Variants in SEMA4G observed in about 807,000 individuals in gnomAD.
The protein encoded by SEMA4G is semaphorin 4G.
In SEMA4G, 59 loss-of-function variants were observed where a neutral mutation model predicts 81.2. That is an observed-to-expected ratio of 0.73 (90% CI 0.59 to 0.90). SEMA4G has a LOEUF of 0.90. Ranked by LOEUF, SEMA4G falls within the 40% of genes least tolerant of loss-of-function variation. SEMA4G has a pLI of 0.00. For missense variants in SEMA4G, 952 were observed against 1,102.3 expected (o/e 0.86, Z 1.93); for synonymous variants, 404 against 433.9 (o/e 0.93, Z 0.86).
intron 10 of SEMA4G, 36 bp downstream of exon 11, chr10:100,980,380 C>T: frequency 1.9e-6 from 3 of 1,580,098 alleles, no homozygotes; most frequent in Non-Finnish European, 2.6e-6. Flanking sequence ...CCTGTTGGCC[C>T]TGATCACTAA....
chr10:100,983,405 C>A, exon 14 of SEMA4G: 12 of 1,612,406 alleles, frequency 7.4e-6, no homozygotes, highest in Non-Finnish European at 8.5e-6. Flanking sequence ...TGTGGCTACT[C>A]AATGGGAGCA....
rs556345883 is a variant in SEMA4G, at chr10:100,984,593, G to A, written c.*462G>A. On this transcript the variant is annotated 3_prime_UTR_variant, in exon 14 of 14. Coordinates refer to ENST00000370250, the Ensembl canonical transcript of SEMA4G. The stretch of plus-strand genomic sequence containing the variant: ...GACAAGACCTCTGCCAGCCACCTAA[G>A]CCCTGCGTACATTCACATGCACACA... 4.6e-6 allele frequency: 7 copies of A among 1,536,202 alleles called. No homozygotes were observed. The African/African-American group carries it at 9.6e-5, about 21-fold the overall frequency.
rs761353685 is a variant in SEMA4G at position 100,973,264 on chromosome 10, G to C, written c.260G>C (p.Gly87Ala). Reference sequence around the variant, plus strand: ...CTCAGTGCCAACGACATAGGAGATGGGGCTCACAAAGAGGTCAGGCCCTGG... The same window carrying C: ...CTCAGTGCCAACGACATAGGAGATGCGGCTCACAAAGAGGTCAGGCCCTGG... Residue 87 changes from glycine to alanine, a missense_variant, in exon 2 of 14, where the codon GGG (glycine) becomes GCG (alanine). By Grantham distance (60) the Gly-to-Ala change is moderately conservative. Around this residue, in one of 3 missense-constraint regions of SEMA4G, gnomAD observed 436 missense variants for 488.2 expected, o/e 0.89. Transcript: ENST00000370250. The surrounding 1 kb of genome is among the most constrained non-coding windows in gnomAD (Gnocchi z 5.5). The C allele has an allele frequency of 3.7e-6, 6 of 1,613,070 alleles. No homozygotes were observed. In the South Asian group the frequency reaches 6.6e-5, roughly 18 times the overall value.
exon 14 of SEMA4G, chr10:100,983,422 T>G (rs1851222273): frequency 8.1e-6 from 13 of 1,613,424 alleles, no homozygotes; most frequent in Non-Finnish European, 1.1e-5. Context: ...AGCATGGGCC[T>G]GAGCGATGGG....
At position 100,973,195 on chromosome 10, in the gene SEMA4G, C is replaced by T; in HGVS notation, c.191C>T (p.Ala64Val). 1.2e-6 allele frequency: 2 copies of T among 1,613,792 alleles called. No individual in the cohort carries two copies. The highest frequency in any genetic ancestry group is 1.7e-6 in the Non-Finnish European group (2 of 1,180,024). Residue 64 changes from alanine (A) to valine (V), a missense_variant, in exon 2 of 14, where the codon GCC becomes GTC. Physicochemically the swap from Ala to Val is moderately conservative, Grantham distance 64. Transcript: ENST00000370250. The surrounding 1 kb of genome is among the most constrained non-coding windows in gnomAD (Gnocchi z 5.5). The stretch of plus-strand genomic sequence containing the variant: ...TACTCAACACTGCTGCTGGAGGAGG[C>T]CTCAGCAAGGCTGCTGGTGGGAGCC...
intron 13 of SEMA4G, among the ~76,000 whole-genome samples, chr10:100,982,736 G>A (rs1411476763): frequency 6.6e-6 from 1 of 152,222 alleles, no homozygotes; most frequent in Non-Finnish European, 1.5e-5. Flanking sequence ...AGGTTGCAGT[G>A]AGCTGAGATC....
intron 3 of SEMA4G, among the ~76,000 whole-genome samples, chr10:100,976,607 A>G (rs1850798275): frequency 6.6e-6 from 1 of 152,156 alleles, no homozygotes; most frequent in African/African-American, 2.4e-5. Context: ...TACAGGTGTG[A>G]GCCACCACAC....
At chr10:100,978,700 C>T (rs1850912687) in intron 6 of SEMA4G, 60 bp downstream of exon 7, 1 of 1,568,090 alleles carries the variant, frequency 6.4e-7, no homozygotes, top group Non-Finnish European at 8.8e-7. Flanking sequence ...ATTTTTACTC[C>T]CTTGGCCAGC....
chr10:100,978,802 G>A, intron 6 of SEMA4G, 47 bp from the exon 8 acceptor site: 1 of 1,599,242 alleles, frequency 6.3e-7, no homozygotes, highest in East Asian at 2.2e-5. Context: ...TGAGGGAAAG[G>A]AATCCCCAGC....
chr10:100,970,369 G>A (rs1850596261), upstream of SEMA4G, among the ~76,000 whole-genome samples: 1 of 151,940 alleles, frequency 6.6e-6, no homozygotes, highest in Non-Finnish European at 1.5e-5. Context: ...CCCACCTTTA[G>A]AACCGCAATA....
rs372168483 is a variant in SEMA4G, at chr10:100,979,304, T to C, written c.983+33T>C. On this transcript the variant is annotated intron_variant, in intron 8 of 13. Coordinates refer to ENST00000370250, the Ensembl canonical transcript of SEMA4G. ...CAGGGACAATCGGGAGGCAAGAAAC[T>C]GCGGACAGCATAGGGGCTGGAGCAG... is the stretch of plus-strand genomic sequence containing the variant. 42 of 1,613,996 alleles carry C rather than the reference T, an allele frequency of 2.6e-5. 1 individual carries two copies. In the African/African-American group the frequency reaches 5.5e-4, roughly 21 times the overall value.
In SEMA4G at chr10:100,973,309, G is replaced by T. The variant is rs747317113; in HGVS notation, c.273+32G>T. 1 of 1,609,586 alleles carries T rather than the reference G, an allele frequency of 6.2e-7. No individual in the cohort carries two copies. Among genetic ancestry groups the T allele is most frequent in the South Asian group, 1.1e-5 (1 of 90,982 alleles). On this transcript the variant is annotated intron_variant, in intron 2 of 13. Transcript: ENST00000370250. This position sits in a 1 kb window ranked among gnomAD's most constrained non-coding sequence, Gnocchi z 5.5. ...CCCTGGAACCTGGACCACCCAGAGG[G>T]TCTCTATGCTTATCCAGCTCCCTGG...
intron 6 of SEMA4G, 69 bp from the exon 8 acceptor site, chr10:100,978,779 GT>G (rs1440961774): frequency 1.9e-6 from 3 of 1,579,646 alleles, no homozygotes; most frequent in Non-Finnish European, 1.7e-6. Context: ...CAAGTGAGGG[GT>G]CAGCCTCAGA....
At chr10:100,978,602 C>G (rs142527271) in exon 6 of SEMA4G, 13 of 1,614,172 alleles carry the variant, frequency 8.1e-6, no homozygotes, top group Non-Finnish European at 1.1e-5. Context: ...CACCCACACT[C>G]CCTGAGAACT....
chr10:100,978,150 G>C, intron 4 of SEMA4G, 145 bp from the exon 6 acceptor site: 1 of 622,982 alleles, frequency 1.6e-6, no homozygotes, highest in South Asian at 1.9e-5. Context: ...CTCAGGGGAT[G>C]CTTAAGTTAT....
At position 100,981,230 on chromosome 10, in the gene SEMA4G, G is replaced by GT. The variant is rs1698707530; in HGVS notation, c.1690+2dup. ...GGCTGTGAGAGCAGCAGGGATACAG[G>GT]TAAGTGACTCATATGAGTGTGGGTC... On this transcript the variant is annotated splice_donor_variant, in intron 13 of 13. Coordinates refer to ENST00000370250, the Ensembl canonical transcript of SEMA4G. LOFTEE classifies it high-confidence loss of function. 6.2e-7 allele frequency: 1 copy of GT among 1,614,124 alleles called. No homozygotes were observed. The highest frequency in any genetic ancestry group is 8.5e-7 in the Non-Finnish European group (1 of 1,179,942).
Position 100,978,950 on chromosome 10 carries a change from G to A in SEMA4G, c.745G>A (p.Glu249Lys), listed in dbSNP as rs199950454. The A allele has an allele frequency of 8.1e-5, 131 of 1,614,218 alleles. No individual in the cohort carries two copies. The highest frequency in any genetic ancestry group is 1.0e-4 in the Non-Finnish European group (123 of 1,180,054). Residue 249 changes from glutamate (E) to lysine (K), a missense_variant, in exon 7 of 14, where the codon GAG becomes AAG. This residue lies in a region of SEMA4G where 436 missense variants were observed against 488.2 expected (regional missense o/e 0.89). Coordinates refer to ENST00000370250, the Ensembl canonical transcript of SEMA4G. ...CTTCTTCACGGAGCGTGCCACTGAG[G>A]AGGGCTCTGGCAGCTTCACTCAGAG...
rs768266320 is a variant in SEMA4G, at chr10:100,973,322, T to C, written c.273+45T>C. On this transcript the variant is annotated intron_variant, in intron 2 of 13. Transcript: ENST00000370250. The surrounding 1 kb of genome is among the most constrained non-coding windows in gnomAD (Gnocchi z 5.5). ...ACCACCCAGAGGGTCTCTATGCTTA[T>C]CCAGCTCCCTGGGACCTCAACTTCC... is the stretch of plus-strand genomic sequence containing the variant. 6.2e-7 allele frequency: 1 copy of C among 1,605,088 alleles called. No homozygotes were observed. Among genetic ancestry groups the C allele is most frequent in the Non-Finnish European group, 8.5e-7 (1 of 1,177,386 alleles).
Position 100,973,659 on chromosome 10 carries a change from T to C in SEMA4G, c.336+50T>C, listed in dbSNP as rs759472495. On this transcript the variant is annotated intron_variant, in intron 3 of 13. Transcript: ENST00000370250. The surrounding 1 kb of genome is among the most constrained non-coding windows in gnomAD (Gnocchi z 5.5). Reference sequence around the variant, plus strand: ...CTCCTTTCCTCCCCTTCTTCCTCAATCAGGGATGCCAGGATTGTTGGGGAC... The same window carrying C: ...CTCCTTTCCTCCCCTTCTTCCTCAACCAGGGATGCCAGGATTGTTGGGGAC... The C allele has an allele frequency of 1.9e-6, 3 of 1,551,706 alleles. No individual in the cohort carries two copies. The African/African-American group carries it at 4.1e-5, about 21-fold the overall frequency.
Sources: gnomAD v4.1 joint callset for allele counts (sites outside exome capture counted in the v4.1 genomes callset) on GRCh38, gnomAD v4.1.1 for gene constraint, gnomAD v4.1.1 regional missense constraint, Gnocchi (gnomAD v3.1) non-coding constraint, MANE v1.5 for transcripts, NCBI Gene and HGNC (gene_info 2026-07-23, HGNC 2026-07-21) for gene names.